The following NR3C2 variants were observed in gnomAD, a reference collection of about 807,000 sequenced individuals.
NR3C2 encodes mineralocorticoid receptor.
Under a neutral mutation model 86.4 loss-of-function variants are expected in NR3C2, and 15 were observed. The observed-to-expected ratio is 0.17, with a 90% CI of 0.12 to 0.27. The LOEUF is 0.27. Ranked by LOEUF, NR3C2 falls within the 10% of genes least tolerant of loss-of-function variation. The probability of loss-of-function intolerance (pLI) is 1.00; values close to 1 mark genes in which losing one functional copy is unlikely to be tolerated. For synonymous variants in NR3C2, 458 were observed against 450.5 expected, an observed-to-expected ratio of 1.02 and a Z score of -0.21; for missense variants, 960 against 1,195.6, an observed-to-expected ratio of 0.80 and a Z score of 2.91.
intron 2 of NR3C2, among the ~76,000 whole-genome samples, chr4:148,406,172 AAAAC>A (rs1748414982): frequency 6.6e-6 from 1 of 152,126 alleles, no homozygotes; most frequent in African/African-American, 2.4e-5. Flanking sequence ...TCAAAACAAA[AAAAC>A]AAACAAACAA....
chr4:148,103,662 G>A (rs1284987424), intron 8 of NR3C2, among the ~76,000 whole-genome samples: 5 of 152,156 alleles, frequency 3.3e-5, no homozygotes, highest in African/African-American at 7.2e-5. Flanking sequence ...GCTGCCTCTC[G>A]CTCTATGAAC....
In NR3C2 at chr4:148,322,833, C is replaced by T. The variant is rs1380910737; in HGVS notation, c.1758-62716G>A. Among the ~76,000 whole-genome samples the T allele has an allele frequency of 1.7e-4, 16 of 93,602 alleles. 1 individual carries two copies. The highest frequency in any genetic ancestry group is 9.9e-4 in the South Asian group (2 of 2,016). 61.4% of individuals were successfully genotyped at this position (93,602 alleles called of 152,430 possible). On this transcript the variant is annotated intron_variant, in intron 2 of 8. Coordinates refer to ENST00000358102, the MANE Select transcript of NR3C2 (RefSeq NM_000901.5). The stretch of plus-strand genomic sequence containing the variant: ...TTTGCCTTTGGTTTGAATGTCCTCC[C>T]GTAGCTCAGAGTAATTTGATCGTCT...
At chr4:148,201,625 C>T (rs942933420) in intron 3 of NR3C2, among the ~76,000 whole-genome samples, 1 of 150,194 alleles carries the variant, frequency 6.7e-6, no homozygotes, top group African/African-American at 2.5e-5. Context: ...AGTCAGCATG[C>T]ACCATCTCCT....
At chr4:148,398,979 A>G (rs1345871182) in intron 2 of NR3C2, among the ~76,000 whole-genome samples, 2 of 152,256 alleles carry the variant, frequency 1.3e-5, no homozygotes, top group African/African-American at 2.4e-5. Context: ...AAGCAGTCAT[A>G]AAAACACTGG....
At chr4:148,127,041 T>A (rs989723457) in intron 6 of NR3C2, among the ~76,000 whole-genome samples, 2 of 152,236 alleles carry the variant, frequency 1.3e-5, no homozygotes, top group African/African-American at 4.8e-5. Context: ...AGTCACTCAT[T>A]TGTTTATTCT....
chr4:148,369,055 A>T (rs920609219), intron 2 of NR3C2, among the ~76,000 whole-genome samples: 1 of 152,240 alleles, frequency 6.6e-6, no homozygotes, highest in African/African-American at 2.4e-5. Context: ...TCTGTAAAAA[A>T]TAGAGTAGGT....
chr4:148,398,264 C>T (rs1363325692), intron 2 of NR3C2, among the ~76,000 whole-genome samples: 1 of 152,190 alleles, frequency 6.6e-6, no homozygotes, highest in Non-Finnish European at 1.5e-5. Context: ...TGCTACTTAA[C>T]CCACTACAGG....
chr4:148,271,639 T>C (rs1740690810), intron 2 of NR3C2, among the ~76,000 whole-genome samples: 1 of 152,168 alleles, frequency 6.6e-6, no homozygotes, highest in Admixed American at 6.5e-5. Context: ...TACCAAATAC[T>C]CTACCTCTTT....
At chr4:148,230,750 G>A (rs1434744929) in intron 3 of NR3C2, among the ~76,000 whole-genome samples, 1 of 152,132 alleles carries the variant, frequency 6.6e-6, no homozygotes, top group Non-Finnish European at 1.5e-5. Context: ...ACCATGCAGT[G>A]GGATGAAATA....
intron 2 of NR3C2, among the ~76,000 whole-genome samples, chr4:148,406,575 G>C (rs928309914): frequency 2.6e-5 from 4 of 152,154 alleles, no homozygotes; most frequent in African/African-American, 4.8e-5. Context: ...TTGTGAGAGA[G>C]GAGGTAAGAG....
At chr4:148,437,537 G>T (rs982361773) in intron 1 of NR3C2, among the ~76,000 whole-genome samples, 7 of 152,106 alleles carry the variant, frequency 4.6e-5, no homozygotes, top group Admixed American at 3.3e-4. Context: ...TGATAAAGAT[G>T]GTCCATATCT....
At chr4:148,258,251 T>G (rs2149869557) in intron 3 of NR3C2, among the ~76,000 whole-genome samples, 1 of 152,274 alleles carries the variant, frequency 6.6e-6, no homozygotes, top group South Asian at 2.1e-4. Flanking sequence ...AGAGGAATTC[T>G]TACATTGGAA....
chr4:148,327,990 T>C (rs1323287391), intron 2 of NR3C2, among the ~76,000 whole-genome samples: 1 of 152,218 alleles, frequency 6.6e-6, no homozygotes, highest in Non-Finnish European at 1.5e-5. Flanking sequence ...CAGTTGTCTT[T>C]TGTTGCCTTA....
At chr4:148,414,602 A>T (rs1748904390) in intron 2 of NR3C2, among the ~76,000 whole-genome samples, 1 of 152,162 alleles carries the variant, frequency 6.6e-6, no homozygotes, top group South Asian at 2.1e-4. Flanking sequence ...AATAAATTGC[A>T]TTTTGACCTT....
chr4:148,112,602 C>T (rs999347877), intron 8 of NR3C2, among the ~76,000 whole-genome samples: 2 of 152,202 alleles, frequency 1.3e-5, no homozygotes, highest in South Asian at 4.1e-4. Context: ...TCCACTAAGT[C>T]ACACTCTTTA....
intron 2 of NR3C2, among the ~76,000 whole-genome samples, chr4:148,313,115 A>G (rs1742983546): frequency 6.6e-6 from 1 of 152,228 alleles, no homozygotes; most frequent in Non-Finnish European, 1.5e-5. Flanking sequence ...TAAATGAGAT[A>G]GAACATGATG....
chr4:148,437,350 A>G (rs1750130700), intron 1 of NR3C2, among the ~76,000 whole-genome samples: 1 of 152,208 alleles, frequency 6.6e-6, no homozygotes, highest in Non-Finnish European at 1.5e-5. Flanking sequence ...TCCATATTTA[A>G]TTCATGGCCT....
At chr4:148,095,980 T>A (rs1011403611) in intron 8 of NR3C2, among the ~76,000 whole-genome samples, 7 of 152,224 alleles carry the variant, frequency 4.6e-5, no homozygotes, top group African/African-American at 1.4e-4. Context: ...CAGGGGTGAA[T>A]ATTAAATCCT....
At chr4:148,375,016 C>T (rs1032122887) in intron 2 of NR3C2, among the ~76,000 whole-genome samples, 5 of 152,076 alleles carry the variant, frequency 3.3e-5, no homozygotes, top group African/African-American at 1.2e-4. Context: ...TGTCACGTGG[C>T]TACTGTATAA....
Sources: allele counts gnomAD v4.1 joint callset (sites outside exome capture counted in the v4.1 genomes callset), GRCh38; gene constraint gnomAD v4.1.1; transcripts MANE v1.5; gene names NCBI Gene and HGNC (gene_info 2026-07-23, HGNC 2026-07-21).